The following PEX5L variants were observed in gnomAD, a reference collection of about 807,000 sequenced individuals.
PEX5L encodes the protein peroxisomal biogenesis factor 5 like.
Under a neutral mutation model 84.0 loss-of-function variants are expected in PEX5L, and 30 were observed. The ratio of observed to expected loss-of-function variants is 0.36; its 90% CI spans 0.27 to 0.48. PEX5L has a LOEUF of 0.48. Among genes scored for constraint, PEX5L ranks in the 20% least tolerant of loss-of-function variants. The pLI is 0.99. For missense variants in PEX5L, 533 were observed against 754.6 expected, an observed-to-expected ratio of 0.71 and a Z score of 3.44; for synonymous variants, 270 against 283.1, an observed-to-expected ratio of 0.95 and a Z score of 0.46.
chr3:180,003,819 T>C (rs555900769), intron 1 of PEX5L, among the ~76,000 whole-genome samples: 20 of 152,322 alleles, frequency 1.3e-4, no homozygotes, highest in Admixed American at 9.8e-4. Context: ...TATTAAAGAA[T>C]AAATAAATTT....
At chr3:179,964,567 C>A (rs1038458476) in intron 2 of PEX5L, among the ~76,000 whole-genome samples, 3 of 152,098 alleles carry the variant, frequency 2.0e-5, no homozygotes, top group Non-Finnish European at 4.4e-5. Context: ...AGGTCTAATA[C>A]CCAGAATCTT....
chr3:179,830,495 G>A (rs912065438), intron 8 of PEX5L, among the ~76,000 whole-genome samples: 2 of 152,154 alleles, frequency 1.3e-5, no homozygotes, highest in African/African-American at 4.8e-5. Flanking sequence ...TCTGGTGCTG[G>A]TGGCATCACG....
chr3:179,989,869 C>T (rs886640538), intron 1 of PEX5L, among the ~76,000 whole-genome samples: 21 of 152,158 alleles, frequency 1.4e-4, no homozygotes, highest in African/African-American at 4.8e-4. Context: ...TATAGAGGTG[C>T]CCTGAAGTTA....
chr3:179,896,697 T>C (rs138945160), intron 3 of PEX5L, among the ~76,000 whole-genome samples: 2 of 152,210 alleles, frequency 1.3e-5, no homozygotes, highest in East Asian at 3.9e-4. Context: ...ACTGTGCCAA[T>C]TGCAAATTTG....
chr3:180,008,810 G>A (rs1579326550), intron 1 of PEX5L, among the ~76,000 whole-genome samples: 1 of 152,168 alleles, frequency 6.6e-6, no homozygotes, highest in African/African-American at 2.4e-5. Flanking sequence ...CTCCCCACTG[G>A]GCCCCTCCCA....
intron 8 of PEX5L, among the ~76,000 whole-genome samples, chr3:179,821,774 G>A (rs766526806): frequency 6.6e-6 from 1 of 152,202 alleles, no homozygotes; most frequent in African/African-American, 2.4e-5. Flanking sequence ...ATAACACATT[G>A]TGCAAACAGA....
At position 179,875,387 on chromosome 3, in the gene PEX5L, G is replaced by C; in HGVS notation, c.596C>G (p.Ser199Cys). The C allele has an allele frequency of 6.2e-7, 1 of 1,613,492 alleles. No individual in the cohort carries two copies. Residue 199 changes from serine (S) to cysteine (C), a missense_variant, in exon 6 of 15, where the codon TCC (serine) becomes TGC (cysteine). This residue lies in a region of PEX5L where 259 missense variants were observed against 301.7 expected (regional missense o/e 0.86). Coordinates refer to ENST00000467460, the MANE Select transcript of PEX5L (RefSeq NM_016559.3). ...KGHPMAERKS[S>C]SSRTGSKELL... ...CTCTTTTGATCCAGTTCTAGATGAG[G>C]ATGATTTTCTCTCTGCCATTGGATG...
rs1718772636 is a variant in PEX5L at position 179,801,233 on chromosome 3, A to G, written c.*595T>C. On this transcript the variant is annotated 3_prime_UTR_variant, in exon 15 of 15. Transcript: ENST00000467460. Reference sequence around the variant, plus strand: ...TACCAGAAAAGTTTAGATTGGGAACAGCAAAAATTTCTAGTGCAAAAACTG... The same window carrying G: ...TACCAGAAAAGTTTAGATTGGGAACGGCAAAAATTTCTAGTGCAAAAACTG... 1 of 153,860 alleles carries G rather than the reference A, an allele frequency of 6.5e-6. No individual in the cohort carries two copies. Among genetic ancestry groups the G allele is most frequent in the Non-Finnish European group, 1.5e-5 (1 of 68,864 alleles). The allele number at this position is 153,860 out of a possible 1,614,324, so 9.5% of individuals were successfully genotyped here.
rs773397341 is a variant in PEX5L, at chr3:179,807,550, C to G, written c.1676+124G>C. On this transcript the variant is annotated intron_variant, in intron 14 of 14. Coordinates refer to ENST00000467460, the MANE Select transcript of PEX5L (RefSeq NM_016559.3). The stretch of plus-strand genomic sequence containing the variant: ...TGGGATCTGAAGGCTCCACATTCAC[C>G]CTTAACGGCAGGAGGAGGAATACTC... 9.4e-5 allele frequency: 81 copies of G among 865,870 alleles called. 1 individual carries two copies. Among genetic ancestry groups the G allele is most frequent in the Non-Finnish European group, 1.4e-4 (76 of 553,386 alleles). The allele number at this position is 865,870 out of a possible 1,614,324, so 53.6% of individuals were successfully genotyped here.
intron 1 of PEX5L, among the ~76,000 whole-genome samples, chr3:179,997,373 T>G (rs6778485): frequency 0.041 from 6,200 of 152,232 alleles, 421 homozygotes; most frequent in African/African-American, 0.14. Flanking sequence ...CTGACTCATC[T>G]TGTGGTCATT....
At chr3:180,028,842 T>C (rs1360561588) in intron 1 of PEX5L, among the ~76,000 whole-genome samples, 1 of 152,228 alleles carries the variant, frequency 6.6e-6, no homozygotes, top group Non-Finnish European at 1.5e-5. Context: ...AATCATCACA[T>C]TTAGATTTAA....
At chr3:180,007,408 G>A (rs1190858569) in intron 1 of PEX5L, among the ~76,000 whole-genome samples, 4 of 152,206 alleles carry the variant, frequency 2.6e-5, no homozygotes, top group African/African-American at 4.8e-5. Flanking sequence ...GCATGTCTGC[G>A]GCTTTTCCAG....
intron 1 of PEX5L, among the ~76,000 whole-genome samples, chr3:179,979,866 G>A (rs897057186): frequency 6.6e-6 from 1 of 152,150 alleles, no homozygotes; most frequent in Admixed American, 6.5e-5. Context: ...TCAAACACAG[G>A]TGTACTTATC....
chr3:179,903,934 C>G (rs1762275659), intron 2 of PEX5L, among the ~76,000 whole-genome samples: 1 of 152,182 alleles, frequency 6.6e-6, no homozygotes, highest in African/African-American at 2.4e-5. Flanking sequence ...CTGAAAGAAG[C>G]ACAGATCTAG....
At chr3:179,973,994 A>G in intron 1 of PEX5L, 2 of 985,460 alleles carry the variant, frequency 2.0e-6, no homozygotes, top group Non-Finnish European at 2.4e-6. Flanking sequence ...TTTCTAAGCC[A>G]TAATGGTATT....
intron 1 of PEX5L, among the ~76,000 whole-genome samples, chr3:180,016,545 A>T (rs1381380844): frequency 1.3e-5 from 2 of 152,148 alleles, no homozygotes; most frequent in African/African-American, 4.8e-5. Flanking sequence ...CAATACAGAA[A>T]ATTCTTGCTG....
At chr3:179,953,876 C>T (rs1162187808) in intron 2 of PEX5L, among the ~76,000 whole-genome samples, 6 of 152,102 alleles carry the variant, frequency 3.9e-5, no homozygotes, top group African/African-American at 1.4e-4. Flanking sequence ...AAATGATGAC[C>T]AACTGAAATG....
At chr3:179,903,609 A>G (rs1020577299) in intron 2 of PEX5L, among the ~76,000 whole-genome samples, 1 of 152,174 alleles carries the variant, frequency 6.6e-6, no homozygotes, top group Non-Finnish European at 1.5e-5. Context: ...CAAAAGGCTA[A>G]TTTTTGATGG....
intron 8 of PEX5L, among the ~76,000 whole-genome samples, chr3:179,834,117 G>A (rs1291640668): frequency 1.3e-5 from 2 of 152,162 alleles, no homozygotes; most frequent in East Asian, 3.8e-4. Flanking sequence ...TAGGATTATA[G>A]GTGTGAGCCA....
Sources: gnomAD v4.1 joint callset for allele counts (sites outside exome capture counted in the v4.1 genomes callset) on GRCh38, gnomAD v4.1.1 for gene constraint, gnomAD v4.1.1 regional missense constraint, MANE v1.5 for transcripts, NCBI Gene and HGNC (gene_info 2026-07-23, HGNC 2026-07-21) for gene names.